Variants in ZMAT3 observed in about 807,000 individuals in gnomAD.
The protein encoded by ZMAT3 is zinc finger matrin-type 3.
Under a neutral mutation model 32.3 loss-of-function variants are expected in ZMAT3, and 17 were observed. The observed-to-expected ratio is 0.53, with a 90% CI of 0.36 to 0.79. The LOEUF is 0.79. Ranked by LOEUF, ZMAT3 falls within the 30% of genes least tolerant of loss-of-function variation. The pLI is 0.00. For missense variants in ZMAT3, 329 were observed against 359.7 expected (o/e 0.91, Z 0.69); for synonymous variants, 120 against 133.1 (o/e 0.90, Z 0.68).
intron 1 of ZMAT3, among the ~76,000 whole-genome samples, chr3:179,069,355 C>T (rs1055375876): frequency 6.6e-6 from 1 of 152,064 alleles, no homozygotes; most frequent in Non-Finnish European, 1.5e-5. Context: ...CAGATGGCGC[C>T]GTCTAACCCT....
intron 1 of ZMAT3, among the ~76,000 whole-genome samples, chr3:179,070,324 A>G (rs571475892): frequency 2.0e-5 from 3 of 152,258 alleles, no homozygotes; most frequent in Non-Finnish European, 4.4e-5. Flanking sequence ...AAGGCCTCCT[A>G]CCAGAGGTGA....
At chr3:179,045,218 A>G (rs2108562131) in intron 2 of ZMAT3, among the ~76,000 whole-genome samples, 1 of 152,304 alleles carries the variant, frequency 6.6e-6, no homozygotes, top group South Asian at 2.1e-4. Flanking sequence ...GTGCAGTGTC[A>G]TAGAAGTCTG....
intron 2 of ZMAT3, 38 bp from the exon 3 acceptor site, chr3:179,031,037 T>C: frequency 6.4e-7 from 1 of 1,564,742 alleles, no homozygotes; most frequent in Non-Finnish European, 8.7e-7. Flanking sequence ...CAGTCCACCC[T>C]TATCTGCAGT....
chr3:179,048,484 T>C (rs1459400179), intron 2 of ZMAT3, among the ~76,000 whole-genome samples: 2 of 152,220 alleles, frequency 1.3e-5, no homozygotes, highest in South Asian at 2.1e-4. Flanking sequence ...CCCTACAAGC[T>C]AGAAGGGACT....
intron 2 of ZMAT3, among the ~76,000 whole-genome samples, chr3:179,058,478 C>A (rs1245529729): frequency 1.3e-5 from 2 of 152,198 alleles, no homozygotes; most frequent in Non-Finnish European, 2.9e-5. Flanking sequence ...GACTTCGGGA[C>A]GGGCGCGGTG....
At chr3:179,041,326 T>C (rs1553801092) in intron 2 of ZMAT3, among the ~76,000 whole-genome samples, 1 of 152,194 alleles carries the variant, frequency 6.6e-6, no homozygotes, top group Non-Finnish European at 1.5e-5. Context: ...GACCACATAA[T>C]TGGAAGTAAA....
At chr3:179,037,433 G>C (rs774443817) in intron 2 of ZMAT3, among the ~76,000 whole-genome samples, 1 of 152,130 alleles carries the variant, frequency 6.6e-6, no homozygotes, top group South Asian at 2.1e-4. Context: ...GAAGCTGCTG[G>C]CAACACACCC....
intron 2 of ZMAT3, among the ~76,000 whole-genome samples, chr3:179,056,064 A>G (rs537396922): frequency 2.9e-4 from 44 of 152,274 alleles, no homozygotes; most frequent in African/African-American, 1.1e-3. Flanking sequence ...TAACACAGGG[A>G]AAGGAAGAAA....
intron 2 of ZMAT3, among the ~76,000 whole-genome samples, chr3:179,055,311 T>C (rs1432140380): frequency 1.2e-4 from 19 of 152,156 alleles, no homozygotes; most frequent in Admixed American, 1.2e-3. Context: ...GTATAAATTA[T>C]AACATCATCT....
intron 2 of ZMAT3, among the ~76,000 whole-genome samples, chr3:179,040,474 G>A (rs997751572): frequency 2.6e-5 from 4 of 152,244 alleles, no homozygotes; most frequent in African/African-American, 2.4e-5. Context: ...TTCATATCCA[G>A]CCAAACTAAG....
At chr3:179,032,498 G>A (rs1321800702) in intron 2 of ZMAT3, among the ~76,000 whole-genome samples, 6 of 150,778 alleles carry the variant, frequency 4.0e-5, no homozygotes, top group South Asian at 2.1e-4. Context: ...CTGCCCGGCC[G>A]CCCAGTCTGG....
intron 5 of ZMAT3, among the ~76,000 whole-genome samples, chr3:179,026,304 T>C (rs1326200873): frequency 6.6e-6 from 1 of 151,934 alleles, no homozygotes; most frequent in Non-Finnish European, 1.5e-5. Context: ...TTAACATTTT[T>C]TGGACTTTGG....
intron 2 of ZMAT3, among the ~76,000 whole-genome samples, chr3:179,055,248 C>T (rs1003517811): frequency 2.6e-5 from 4 of 152,106 alleles, no homozygotes; most frequent in Non-Finnish European, 5.9e-5. Context: ...TCTGCAGTAC[C>T]GCCTGGCCAC....
intron 1 of ZMAT3, among the ~76,000 whole-genome samples, chr3:179,068,435 C>T (rs184827798): frequency 3.3e-5 from 5 of 151,768 alleles, no homozygotes; most frequent in African/African-American, 7.3e-5. Context: ...TCGCTTGAAC[C>T]GGGGAGGCAG....
intron 2 of ZMAT3, among the ~76,000 whole-genome samples, chr3:179,033,278 T>C (rs1206585593): frequency 3.9e-5 from 6 of 152,214 alleles, no homozygotes; most frequent in Non-Finnish European, 8.8e-5. Flanking sequence ...AAACAGATGC[T>C]TGAAGGCAGC....
chr3:179,045,628 A>G (rs1720191352), intron 2 of ZMAT3, among the ~76,000 whole-genome samples: 1 of 152,248 alleles, frequency 6.6e-6, no homozygotes, highest in Non-Finnish European at 1.5e-5. Flanking sequence ...GCAAATATAC[A>G]AAAACAATGT....
At chr3:179,033,949 A>G (rs1719439891) in intron 2 of ZMAT3, among the ~76,000 whole-genome samples, 1 of 152,208 alleles carries the variant, frequency 6.6e-6, no homozygotes, top group Non-Finnish European at 1.5e-5. Flanking sequence ...TTTCCACTAC[A>G]GCATGATGGC....
Position 179,027,739 on chromosome 3 carries a change from G to T in ZMAT3, c.464C>A (p.Ser155Tyr), listed in dbSNP as rs1367421294. 1.9e-6 allele frequency: 3 copies of T among 1,614,124 alleles called. No individual in the cohort carries two copies. In the East Asian group the frequency reaches 6.7e-5, roughly 36 times the overall value. The change falls in exon 4 of 6, where the codon TCC (serine) becomes TAC (tyrosine). Residue 155 changes from serine (S) to tyrosine (Y), a missense_variant. Physicochemically the swap from Ser to Tyr is moderately radical, Grantham distance 144. Transcript: ENST00000311417. ...ENDYCKLCDA[S>Y]FSSPAVAQAH... Reference sequence around the variant, plus strand: ...CTGAGCCACAGCTGGGGAACTGAAGGAGGCATCACAGAGCTTACAGTAATC... The same window carrying T: ...CTGAGCCACAGCTGGGGAACTGAAGTAGGCATCACAGAGCTTACAGTAATC...
intron 2 of ZMAT3, among the ~76,000 whole-genome samples, chr3:179,055,482 C>G (rs779235288): frequency 1.3e-4 from 20 of 151,196 alleles, no homozygotes; most frequent in Admixed American, 2.6e-4. Context: ...GCGTCCCCTC[C>G]CCGACTCCTT....
Sources: allele counts gnomAD v4.1 joint callset (sites outside exome capture counted in the v4.1 genomes callset), GRCh38; gene constraint gnomAD v4.1.1; transcripts MANE v1.5; gene names NCBI Gene and HGNC (gene_info 2026-07-23, HGNC 2026-07-21).